STOM: variants seen among roughly 807,000 people sequenced by gnomAD.
STOM encodes the protein erythrocyte band 7 integral membrane protein.
STOM carries 25 observed loss-of-function variants against 30.6 expected under a neutral mutation model. The observed-to-expected ratio is 0.82, with a 90% CI of 0.60 to 1.14. The LOEUF is 1.14. Among genes scored for constraint, STOM ranks in the 50% most tolerant of loss-of-function variants. STOM has a pLI of 0.00. For missense variants in STOM, 292 were observed against 365.2 expected (o/e 0.80, Z 1.63); for synonymous variants, 118 against 130.8 (o/e 0.90, Z 0.67).
rs1032854635 is a variant in STOM at position 121,339,582 on chromosome 9, G to A, written c.*1620C>T. On this transcript the variant is annotated 3_prime_UTR_variant, in exon 7 of 7. Coordinates refer to ENST00000286713, the MANE Select transcript of STOM (RefSeq NM_004099.6). ...AAGAGAGCTATAAAGGCTCGTGCTG[G>A]GAAAGAAAGCTGTTATGCTTAGACT... 6 of 1,231,332 alleles carry A rather than the reference G, an allele frequency of 4.9e-6. No homozygotes were observed. The highest frequency in any genetic ancestry group is 6.1e-6 in the Non-Finnish European group (6 of 987,858). The allele number at this position is 1,231,332 out of a possible 1,614,324, so 76.3% of individuals were successfully genotyped here.
At position 121,357,441 on chromosome 9, in the gene STOM, T is replaced by TATATATATATATATATATATATATATATA. The variant is rs1564631312; in HGVS notation, c.62-1286_62-1285insTATATATATATATATATATATATATATAT. On this transcript the variant is annotated intron_variant, in intron 1 of 6. Transcript: ENST00000286713. ...TTTTAAATGATATATATATATATATTTATTTATTTATTTTTTGAGACAGAG... is the reference window on the plus strand; with the variant it reads ...TTTTAAATGATATATATATATATATTATATATATATATATATATATATATATATATATTTATTTATTTTTTGAGACAGAG... Among the ~76,000 whole-genome samples, 381 of 73,184 alleles carry TATATATATATATATATATATATATATATA rather than the reference T, an allele frequency of 5.2e-3. 6 individuals carry two copies. The highest frequency in any genetic ancestry group is 0.015 in the South Asian group (25 of 1,712). 48.0% of individuals were successfully genotyped at this position (73,184 alleles called of 152,430 possible).
intron 4 of STOM, among the ~76,000 whole-genome samples, chr9:121,352,896 G>C (rs2064351201): frequency 2.6e-5 from 4 of 152,096 alleles, no homozygotes; most frequent in Admixed American, 2.0e-4. Flanking sequence ...TTCGAGACCA[G>C]CCTGGCCAAC....
chr9:121,352,961 C>T (rs1294860919), intron 4 of STOM, among the ~76,000 whole-genome samples: 1 of 152,026 alleles, frequency 6.6e-6, no homozygotes, highest in East Asian at 1.9e-4. Flanking sequence ...GGCGTGGTGG[C>T]GCACATCTAT....
Position 121,349,120 on chromosome 9 carries a change from C to G in STOM, c.525G>C (p.Gln175His), listed in dbSNP as rs778199144. 1 of 1,614,030 alleles carries G rather than the reference C, an allele frequency of 6.2e-7. No homozygotes were observed. Among genetic ancestry groups the G allele is most frequent in the Non-Finnish European group, 8.5e-7 (1 of 1,179,958 alleles). The change falls in exon 5 of 7, where the codon CAG becomes CAC. Residue 175 changes from glutamine to histidine, a missense_variant and splice_region_variant. Physicochemically the swap from Gln to His is conservative, Grantham distance 24. Transcript: ENST00000286713. Reference sequence around the variant, plus strand: ...GTAACAGCATTGACGTACTCCCCACCTGCATGTTGTGTGCAATTTCTTCTC... The same window carrying G: ...GTAACAGCATTGACGTACTCCCCACGTGCATGTTGTGTGCAATTTCTTCTC... ...SDREEIAHNM[Q>H]STLDDATDAW...
intron 4 of STOM, among the ~76,000 whole-genome samples, chr9:121,350,949 C>T (rs1390686835): frequency 6.6e-6 from 1 of 152,222 alleles, no homozygotes; most frequent in Non-Finnish European, 1.5e-5. Flanking sequence ...TTTCCCATGA[C>T]ATGATGGGAA....
chr9:121,351,615 C>T (rs560154634), intron 4 of STOM, among the ~76,000 whole-genome samples: 1 of 152,312 alleles, frequency 6.6e-6, no homozygotes, highest in East Asian at 1.9e-4. Context: ...CCAGGATGGC[C>T]ATCACTTTTT....
At position 121,340,059 on chromosome 9, in the gene STOM, T is replaced by C. The variant is rs2064232287; in HGVS notation, c.*1143A>G. ...AGTCCTTCAGCTATTCAAATAGATATATAACAATTGCATATAGAACGTAGA... is the reference window on the plus strand; with the variant it reads ...AGTCCTTCAGCTATTCAAATAGATACATAACAATTGCATATAGAACGTAGA... On this transcript the variant is annotated 3_prime_UTR_variant, in exon 7 of 7. Coordinates refer to ENST00000286713, the MANE Select transcript of STOM (RefSeq NM_004099.6). 9.3e-6 allele frequency: 9 copies of C among 972,762 alleles called. No homozygotes were observed. The South Asian group carries it at 3.3e-4, about 36-fold the overall frequency. 60.3% of individuals were successfully genotyped at this position (972,762 alleles called of 1,614,324 possible). A position where few individuals can be genotyped will look rare whatever the true frequency, so the allele number is the denominator to read the frequency against.
intron 3 of STOM, among the ~76,000 whole-genome samples, chr9:121,354,232 G>A (rs2064365059): frequency 6.6e-6 from 1 of 152,184 alleles, no homozygotes; most frequent in South Asian, 2.1e-4. Context: ...GGAAGGGGAG[G>A]GGAAGGGTAG....
rs375580014 is a variant in STOM at position 121,349,271 on chromosome 9, C to T, written c.374G>A (p.Arg125His). ...TISVDGVVYYRVQNATLAVAN... is the reference protein window; with the variant it reads ...TISVDGVVYYHVQNATLAVAN... ...CACAGCCAGGGTTGCATTCTGAACG[C>T]GGTAATAGACCACACCATCCACGCT... Residue 125 changes from arginine to histidine, a missense_variant, in exon 5 of 7, where the codon CGC (arginine) becomes CAC (histidine). Coordinates refer to ENST00000286713, the MANE Select transcript of STOM (RefSeq NM_004099.6). 1.1e-5 allele frequency: 17 copies of T among 1,613,958 alleles called. No individual in the cohort carries two copies. The highest frequency in any genetic ancestry group is 1.6e-4 in the Middle Eastern group (1 of 6,084).
chr9:121,353,634 G>A (rs145869874), intron 3 of STOM, among the ~76,000 whole-genome samples: 4 of 152,032 alleles, frequency 2.6e-5, no homozygotes, highest in Non-Finnish European at 4.4e-5. Flanking sequence ...GCTGCAAGCC[G>A]AGCAATCCCC....
chr9:121,358,507 G>C (rs949734266), intron 1 of STOM, among the ~76,000 whole-genome samples: 1 of 152,030 alleles, frequency 6.6e-6, no homozygotes, highest in African/African-American at 2.4e-5. Context: ...GTTACTTCTT[G>C]CTTTTTCAGT....
intron 1 of STOM, among the ~76,000 whole-genome samples, chr9:121,360,135 T>C (rs2064436042): frequency 6.6e-6 from 1 of 152,204 alleles, no homozygotes; most frequent in Non-Finnish European, 1.5e-5. Context: ...ATATTCTCAA[T>C]GTCTAGCACA....
chr9:121,356,601 G>C (rs1028868727), intron 1 of STOM, among the ~76,000 whole-genome samples: 8 of 152,194 alleles, frequency 5.3e-5, no homozygotes, highest in African/African-American at 1.7e-4. Flanking sequence ...AGTTAGGATG[G>C]AGGTGAGAAA....
At chr9:121,349,628 A>G (rs1481211075) in intron 4 of STOM, among the ~76,000 whole-genome samples, 1 of 152,178 alleles carries the variant, frequency 6.6e-6, no homozygotes, top group East Asian at 1.9e-4. Context: ...GGAAACTCTT[A>G]GGGGCAGCTG....
chr9:121,349,297 A>G lies in STOM; in HGVS notation c.348T>C (p.Ile116=). Residue 116 remains isoleucine, a synonymous_variant, in exon 5 of 7, where the codon ATT becomes ATC. Coordinates refer to ENST00000286713, the MANE Select transcript of STOM (RefSeq NM_004099.6). Reference sequence around the variant, plus strand: ...GGTAATAGACCACACCATCCACGCTAATTGTCACTGAATCCTTTGTGAGGA... The same window carrying G: ...GGTAATAGACCACACCATCCACGCTGATTGTCACTGAATCCTTTGTGAGGA... ...QEILTKDSVT[I]SVDGVVYYRV... is the part of the protein sequence containing the mutation. The G allele has an allele frequency of 6.2e-7, 1 of 1,614,178 alleles. No homozygotes were observed. Among genetic ancestry groups the G allele is most frequent in the Non-Finnish European group, 8.5e-7 (1 of 1,180,010 alleles).
intron 6 of STOM, among the ~76,000 whole-genome samples, chr9:121,344,221 G>T (rs1030318200): frequency 1.3e-5 from 2 of 152,210 alleles, no homozygotes; most frequent in Non-Finnish European, 2.9e-5. Flanking sequence ...ACAAGTGCCA[G>T]CTTTGCTCAA....
At chr9:121,358,140 TAAA>T (rs35222551) in intron 1 of STOM, among the ~76,000 whole-genome samples, 1 of 134,616 alleles carries the variant, frequency 7.4e-6, no homozygotes, top group Non-Finnish European at 1.7e-5. Context: ...GTCTCTACTT[TAAA>T]AAAAAAAAAA....
chr9:121,356,023 C>A (rs756347795), intron 2 of STOM, 30 bp downstream of exon 2: 2 of 1,597,874 alleles, frequency 1.3e-6, no homozygotes, highest in African/African-American at 1.3e-5. Flanking sequence ...GAGTTGACCC[C>A]TTCCCAGAAG....
chr9:121,343,646 C>T (rs970575510), intron 6 of STOM, among the ~76,000 whole-genome samples: 6 of 152,016 alleles, frequency 3.9e-5, no homozygotes, highest in African/African-American at 1.4e-4. Context: ...ACACATGAAA[C>T]GGTACTGAGG....
Sources: gnomAD v4.1 joint callset for allele counts (sites outside exome capture counted in the v4.1 genomes callset) on GRCh38, gnomAD v4.1.1 for gene constraint, MANE v1.5 for transcripts, NCBI Gene and HGNC (gene_info 2026-07-23, HGNC 2026-07-21) for gene names.